The following CTNNB1 variants were observed in gnomAD, a reference collection of about 807,000 sequenced individuals.
The protein encoded by CTNNB1 is catenin beta 1.
A neutral mutation model predicts 82.5 loss-of-function variants in CTNNB1; 6 were observed. That is an observed-to-expected ratio of 0.07 (90% CI 0.04 to 0.14). The LOEUF is 0.14. Ranked by LOEUF, CTNNB1 falls within the 10% of genes least tolerant of loss-of-function variation. The probability of loss-of-function intolerance (pLI) is 1.00; values close to 1 mark genes in which losing one functional copy is unlikely to be tolerated. For missense variants in CTNNB1, 529 were observed against 980.4 expected, an observed-to-expected ratio of 0.54 and a Z score of 6.15; for synonymous variants, 312 against 329.7, an observed-to-expected ratio of 0.95 and a Z score of 0.58.
chr3:41,208,238 T>A (rs2077694853), intron 1 of CTNNB1, among the ~76,000 whole-genome samples: 1 of 152,222 alleles, frequency 6.6e-6, no homozygotes, highest in Non-Finnish European at 1.5e-5. Context: ...CTAAGTTTAC[T>A]GTTTAGCTTA....
At chr3:41,215,324 A>G (rs1450128014) in intron 1 of CTNNB1, among the ~76,000 whole-genome samples, 1 of 136,970 alleles carries the variant, frequency 7.3e-6, no homozygotes, top group East Asian at 2.4e-4. Flanking sequence ...CGGAGGATGC[A>G]GTGAGCCAAG....
At chr3:41,226,538 G>A (rs1223833178) in intron 6 of CTNNB1, among the ~76,000 whole-genome samples, 1 of 152,134 alleles carries the variant, frequency 6.6e-6, no homozygotes, top group Non-Finnish European at 1.5e-5. Flanking sequence ...GAAGGAGATG[G>A]AAAGTTTTGG....
rs184583512 is a variant in CTNNB1 at position 41,204,190 on chromosome 3, A to G, written c.-49+4520A>G. ...TTCCTCCATCAAGGACCATACTTGT[A>G]AATCAGTGATTTCCAAGTTGGTGCT... On this transcript the variant is annotated intron_variant, in intron 1 of 14. Coordinates refer to ENST00000349496, the MANE Select transcript of CTNNB1 (RefSeq NM_001904.4). Among the ~76,000 whole-genome samples the G allele has an allele frequency of 1.1e-4, 17 of 152,210 alleles. No individual in the cohort carries two copies. In the East Asian group the frequency reaches 3.1e-3, roughly 28 times the overall value.
chr3:41,225,380 A>G lies in CTNNB1; in HGVS notation c.542A>G (p.Lys181Arg), dbSNP rs1403906625. 1 of 1,614,030 alleles carries G rather than the reference A, an allele frequency of 6.2e-7. No individual in the cohort carries two copies. The highest frequency in any genetic ancestry group is 8.5e-7 in the Non-Finnish European group (1 of 1,179,976). The change falls in exon 5 of 15, where the codon AAG (lysine) becomes AGG (arginine). Residue 181 changes from lysine (K) to arginine (R), a missense_variant. Coordinates refer to ENST00000349496, the MANE Select transcript of CTNNB1 (RefSeq NM_001904.4). The surrounding 1 kb of genome is among the most constrained non-coding windows in gnomAD (Gnocchi z 5.3). ...GTTATGGTCCATCAGCTTTCTAAAA[A>G]GGAAGCTTCCAGACACGCTATCATG... ...AAVMVHQLSK[K>R]EASRHAIMRS...
At chr3:41,215,402 A>AAAAC (rs1553628327) in intron 1 of CTNNB1, among the ~76,000 whole-genome samples, 17 of 148,902 alleles carry the variant, frequency 1.1e-4, no homozygotes, top group African/African-American at 4.1e-4. Context: ...AAAAAAAAAA[A>AAAAC]AACACTCTTA....
chr3:41,239,742 C>A lies in CTNNB1; in HGVS notation c.*400C>A. On this transcript the variant is annotated 3_prime_UTR_variant, in exon 15 of 15. Coordinates refer to ENST00000349496, the MANE Select transcript of CTNNB1 (RefSeq NM_001904.4). Reference sequence around the variant, plus strand: ...GGGTGGGCTGGTATCTCAGAAAGTGCCTGACACACTAACCAAGCTGAGTTT... The same window carrying A: ...GGGTGGGCTGGTATCTCAGAAAGTGACTGACACACTAACCAAGCTGAGTTT... 1 of 341,628 alleles carries A rather than the reference C, an allele frequency of 2.9e-6. No homozygotes were observed. Among genetic ancestry groups the A allele is most frequent in the South Asian group, 4.2e-5 (1 of 23,766 alleles). 21.2% of individuals were successfully genotyped at this position (341,628 alleles called of 1,614,324 possible). A position where few individuals can be genotyped will look rare whatever the true frequency, so the allele number is the denominator to read the frequency against.
chr3:41,225,886 T>A lies in CTNNB1; in HGVS notation c.936+25T>A. ...GGTAAGAGAATTATTCTTTATGTGG[T>A]TTTCATGGAGCATTGGACACCTCCA... On this transcript the variant is annotated intron_variant, in intron 6 of 14. Coordinates refer to ENST00000349496, the MANE Select transcript of CTNNB1 (RefSeq NM_001904.4). This position sits in a 1 kb window ranked among gnomAD's most constrained non-coding sequence, Gnocchi z 5.3. 6.3e-7 allele frequency: 1 copy of A among 1,598,244 alleles called. No individual in the cohort carries two copies. Among genetic ancestry groups the A allele is most frequent in the Non-Finnish European group, 8.6e-7 (1 of 1,167,988 alleles).
At position 41,224,725 on chromosome 3, in the gene CTNNB1, T is replaced by C. The variant is rs2125618243; in HGVS notation, c.213T>C (p.Ser71=). The part of the protein sequence containing the change: ...QVLYEWEQGF[S]QSFTQEQVAD... The stretch of plus-strand genomic sequence containing the variant: ...TGTATGAGTGGGAACAGGGATTTTC[T>C]CAGTCCTTCACTCAAGAACAAGTAG... The change falls in exon 3 of 15, where the codon TCT becomes TCC. Residue 71 remains serine (S), a synonymous_variant. Transcript: ENST00000349496. 5.6e-6 allele frequency: 9 copies of C among 1,613,932 alleles called. No homozygotes were observed. Among genetic ancestry groups the C allele is most frequent in the Non-Finnish European group, 7.6e-6 (9 of 1,179,906 alleles).
In CTNNB1 at chr3:41,234,144, T is replaced by C. The variant is rs753045793; in HGVS notation, c.1530T>C (p.Thr510=). 1.9e-6 allele frequency: 3 copies of C among 1,614,228 alleles called. No individual in the cohort carries two copies. Among genetic ancestry groups the C allele is most frequent in the Non-Finnish European group, 2.5e-6 (3 of 1,180,042 alleles). ...PPSHWPLIKA[T]VGLIRNLALC... ...TTCTTCCTTCTGTTTTTCAGGCTAC[T>C]GTTGGATTGATTCGAAATCTTGCCC... Residue 510 remains threonine, a synonymous_variant, in exon 10 of 15, where the codon ACT becomes ACC. Coordinates refer to ENST00000349496, the MANE Select transcript of CTNNB1 (RefSeq NM_001904.4).
intron 10 of CTNNB1, 28 bp downstream of exon 10, chr3:41,234,325 G>T (rs4135380): frequency 3.1e-6 from 5 of 1,612,728 alleles, no homozygotes; most frequent in Middle Eastern, 1.6e-4. Flanking sequence ...GTGATACCTG[G>T]CTATCTAAAA....
intron 1 of CTNNB1, among the ~76,000 whole-genome samples, chr3:41,205,960 T>A (rs1251811542): frequency 1.3e-5 from 2 of 152,210 alleles, no homozygotes; most frequent in African/African-American, 4.8e-5. Flanking sequence ...AGAAGTTTCC[T>A]ACCTCTGGTA....
chr3:41,225,918 T>C lies in CTNNB1; in HGVS notation c.936+57T>C. On this transcript the variant is annotated intron_variant, in intron 6 of 14. Transcript: ENST00000349496. This position sits in a 1 kb window ranked among gnomAD's most constrained non-coding sequence, Gnocchi z 5.3. ...GGAGCATTGGACACCTCCAGTGTCA[T>C]GTCATTCCATGCAGTGTTCCTAACC... 3 of 1,493,422 alleles carry C rather than the reference T, an allele frequency of 2.0e-6. No homozygotes were observed. The highest frequency in any genetic ancestry group is 2.8e-6 in the Non-Finnish European group (3 of 1,078,094). The allele number at this position is 1,493,422 out of a possible 1,614,324, so 92.5% of individuals were successfully genotyped here.
chr3:41,230,341 CAT>C (rs2078279903), intron 7 of CTNNB1, among the ~76,000 whole-genome samples: 1 of 152,270 alleles, frequency 6.6e-6, no homozygotes, highest in Admixed American at 6.5e-5. Flanking sequence ...ATCAAGATCT[CAT>C]AGTGTTTTAT....
At chr3:41,234,395 C>A in intron 10 of CTNNB1, 98 bp downstream of exon 10, 1 of 1,221,584 alleles carries the variant, frequency 8.2e-7, no homozygotes, top group Non-Finnish European at 1.2e-6. Context: ...TCCCCCCATC[C>A]GTCTTCCTGA....
Position 41,239,331 on chromosome 3 carries a change from A to G in CTNNB1, c.2335A>G (p.Thr779Ala). Reference protein sequence around the residue: ...GDSNQLAWFDTDL With the variant: ...GDSNQLAWFDADL ...CAGCAATCAGCTGGCCTGGTTTGAT[A>G]CTGACCTGTAAATCATCCTTTAGGT... Residue 779 changes from threonine (T) to alanine (A), a missense_variant, in exon 15 of 15, where the codon ACT becomes GCT. Physicochemically the swap from Thr to Ala is moderately conservative, Grantham distance 58. Coordinates refer to ENST00000349496, the MANE Select transcript of CTNNB1 (RefSeq NM_001904.4). 6.2e-7 allele frequency: 1 copy of G among 1,613,998 alleles called. No homozygotes were observed. The highest frequency in any genetic ancestry group is 8.5e-7 in the Non-Finnish European group (1 of 1,179,934).
At position 41,224,408 on chromosome 3, in the gene CTNNB1, C is replaced by G. The variant is rs1311175571; in HGVS notation, c.14-118C>G. ...CTATCATTCTGCTTTTCTTGGCTGT[C>G]TTTCAGATTTGACTTTATTTCTAAA... On this transcript the variant is annotated intron_variant, in intron 2 of 14. Transcript: ENST00000349496. 1.2e-5 allele frequency: 13 copies of G among 1,109,920 alleles called. No individual in the cohort carries two copies. The South Asian group carries it at 1.8e-4, about 15-fold the overall frequency. 68.8% of individuals were successfully genotyped at this position (1,109,920 alleles called of 1,614,324 possible). A position where few individuals can be genotyped will look rare whatever the true frequency, so the allele number is the denominator to read the frequency against.
At chr3:41,237,959 T>C (rs1315895278) in intron 13 of CTNNB1, 57 bp from the exon 14 acceptor site, 23 of 1,490,952 alleles carry the variant, frequency 1.5e-5, no homozygotes, top group Non-Finnish European at 2.0e-5. Flanking sequence ...ATTAGTGTAC[T>C]TTTGAGAATT....
chr3:41,209,509 T>G (rs1341985970), intron 1 of CTNNB1, among the ~76,000 whole-genome samples: 2 of 152,230 alleles, frequency 1.3e-5, no homozygotes, highest in East Asian at 3.8e-4. Flanking sequence ...TGCAAAAAAT[T>G]GTCTGTTCTC....
chr3:41,212,902 T>C (rs1299682285), intron 1 of CTNNB1, among the ~76,000 whole-genome samples: 1 of 152,246 alleles, frequency 6.6e-6, no homozygotes, highest in Non-Finnish European at 1.5e-5. Context: ...GTCTAACTAC[T>C]ACTTGTCCCT....
Sources: allele counts gnomAD v4.1 joint callset (sites outside exome capture counted in the v4.1 genomes callset), GRCh38; gene constraint gnomAD v4.1.1; non-coding constraint Gnocchi (gnomAD v3.1); transcripts MANE v1.5; gene names NCBI Gene and HGNC (gene_info 2026-07-23, HGNC 2026-07-21).